DPP8: variants seen among roughly 807,000 people sequenced by gnomAD.
The protein encoded by DPP8 is dipeptidyl peptidase 8, also known as DPP VIII.
DPP8 carries 31 observed loss-of-function variants against 107.5 expected under a neutral mutation model. The observed-to-expected ratio is 0.29, with a 90% CI of 0.22 to 0.39. The LOEUF is 0.39. Ranked by LOEUF, DPP8 falls within the 10% of genes least tolerant of loss-of-function variation. The probability of loss-of-function intolerance (pLI) is 1.00; values close to 1 mark genes in which losing one functional copy is unlikely to be tolerated. For missense variants in DPP8, 842 were observed against 1,076.1 expected (o/e 0.78, Z 3.04); for synonymous variants, 381 against 356.6 (o/e 1.07, Z -0.77).
At position 65,466,765 on chromosome 15, in the gene DPP8, A is replaced by G. The variant is rs1435028919; in HGVS notation, c.1738T>C (p.Cys580Arg). 1 of 1,613,874 alleles carries G rather than the reference A, an allele frequency of 6.2e-7. No homozygotes were observed. The highest frequency in any genetic ancestry group is 8.5e-7 in the Non-Finnish European group (1 of 1,179,846). Reference protein sequence around the residue: ...SKYSNQKNPHCVSLYKLSSPE... With the variant: ...SKYSNQKNPHRVSLYKLSSPE... Reference sequence around the variant, plus strand: ...CTTGATAGCTTGTAAAGGGACACACAGTGTGGATTCTTCTGGTTACTATAC... The same window carrying G: ...CTTGATAGCTTGTAAAGGGACACACGGTGTGGATTCTTCTGGTTACTATAC... The change falls in exon 14 of 20, where the codon TGT becomes CGT. Residue 580 changes from cysteine to arginine, a missense_variant. Around this residue, in one of 2 missense-constraint regions of DPP8, gnomAD observed 663 missense variants for 758.0 expected, o/e 0.87. Coordinates refer to ENST00000300141, the MANE Select transcript of DPP8 (RefSeq NM_130434.5).
rs1412040350 is a variant in DPP8, at chr15:65,495,775, G to A, written c.715+2089C>T. Among the ~76,000 whole-genome samples the A allele has an allele frequency of 1.1e-4, 16 of 151,026 alleles. No individual in the cohort carries two copies. In the East Asian group the frequency reaches 2.6e-3, roughly 24 times the overall value. Reference sequence around the variant, plus strand: ...AATTAGCCGGTAATCCCAGCTACTCGGGAGGCTGAGGCAGGGGAATCACCT... The same window carrying A: ...AATTAGCCGGTAATCCCAGCTACTCAGGAGGCTGAGGCAGGGGAATCACCT... On this transcript the variant is annotated intron_variant, in intron 5 of 19. Coordinates refer to ENST00000300141, the MANE Select transcript of DPP8 (RefSeq NM_130434.5).
chr15:65,479,127 A>G (rs1166347035), intron 10 of DPP8, 88 bp from the exon 11 acceptor site: 1 of 846,620 alleles, frequency 1.2e-6, no homozygotes, highest in Non-Finnish European at 1.7e-6. Context: ...CTTGATAAAT[A>G]TACTTTGAAA....
intron 4 of DPP8, among the ~76,000 whole-genome samples, chr15:65,499,058 C>G (rs1056096703): frequency 1.5e-5 from 2 of 132,216 alleles, no homozygotes; most frequent in Non-Finnish European, 3.1e-5. Context: ...TTTGTCTCCC[C>G]CCCAAAAAAA....
chr15:65,510,562 G>A (rs1204002882), intron 2 of DPP8, among the ~76,000 whole-genome samples: 3 of 151,490 alleles, frequency 2.0e-5, no homozygotes, highest in South Asian at 2.1e-4. Flanking sequence ...TACTTGAGAC[G>A]AAGTCTCGCT....
chr15:65,498,541 G>A (rs2068836516), intron 4 of DPP8, among the ~76,000 whole-genome samples: 1 of 152,040 alleles, frequency 6.6e-6, no homozygotes, highest in African/African-American at 2.4e-5. Context: ...AGGGTAACAG[G>A]AGAGGACATA....
rs1372560644 is a variant in DPP8, at chr15:65,508,680, C to T, written c.260-1325G>A. Among the ~76,000 whole-genome samples the T allele has an allele frequency of 3.9e-5, 6 of 152,142 alleles. No homozygotes were observed. In the South Asian group the frequency reaches 1.2e-3, roughly 32 times the overall value. Reference sequence around the variant, plus strand: ...CCAGCCTGACCAACATGGAGAAACCCTGCCTCTACTAAAAATACAAAATTA... The same window carrying T: ...CCAGCCTGACCAACATGGAGAAACCTTGCCTCTACTAAAAATACAAAATTA... On this transcript the variant is annotated intron_variant, in intron 2 of 19. Coordinates refer to ENST00000300141, the MANE Select transcript of DPP8 (RefSeq NM_130434.5).
rs556863600 is a variant in DPP8 at position 65,475,323 on chromosome 15, T to C, written c.1457-1035A>G. On this transcript the variant is annotated intron_variant, in intron 11 of 19. Coordinates refer to ENST00000300141, the MANE Select transcript of DPP8 (RefSeq NM_130434.5). The stretch of plus-strand genomic sequence containing the variant: ...AGTGGTAGGTGGAAGTTGGGTCAGC[T>C]GCTGCCCCGAGCCAGCTTTATCTTC... 92 of 1,008,846 alleles carry C rather than the reference T, an allele frequency of 9.1e-5. No individual in the cohort carries two copies. The Admixed American group carries it at 1.6e-3, about 18-fold the overall frequency. The allele number at this position is 1,008,846 out of a possible 1,614,324, so 62.5% of individuals were successfully genotyped here. A position where few individuals can be genotyped will look rare whatever the true frequency, so the allele number is the denominator to read the frequency against.
chr15:65,446,753 T>A lies in DPP8; in HGVS notation c.*131A>T, dbSNP rs1409352460. On this transcript the variant is annotated 3_prime_UTR_variant, in exon 20 of 20. Coordinates refer to ENST00000300141, the MANE Select transcript of DPP8 (RefSeq NM_130434.5). Reference sequence around the variant, plus strand: ...CCGTAGACCCCTGCATGGCACCACATTTATTTTCAGGAGTAGATGTTACAT... The same window carrying A: ...CCGTAGACCCCTGCATGGCACCACAATTATTTTCAGGAGTAGATGTTACAT... 5 of 927,562 alleles carry A rather than the reference T, an allele frequency of 5.4e-6. No individual in the cohort carries two copies. The highest frequency in any genetic ancestry group is 7.7e-6 in the Non-Finnish European group (5 of 649,868). 57.5% of individuals were successfully genotyped at this position (927,562 alleles called of 1,614,324 possible).
chr15:65,475,758 T>C, intron 11 of DPP8: 1 of 456,160 alleles, frequency 2.2e-6, no homozygotes, highest in South Asian at 2.0e-5. Flanking sequence ...ATTTGTTTTG[T>C]TTTTGTTTTT....
chr15:65,480,467 T>C lies in DPP8; in HGVS notation c.1119-68A>G, dbSNP rs1265884004. On this transcript the variant is annotated intron_variant, in intron 9 of 19. Coordinates refer to ENST00000300141, the MANE Select transcript of DPP8 (RefSeq NM_130434.5). ...CTATCAGAAAAAGATTTCCCTATTA[T>C]CTCCTTTGGCACCTATCAATTATAT... 4 of 1,203,132 alleles carry C rather than the reference T, an allele frequency of 3.3e-6. No homozygotes were observed. The South Asian group carries it at 4.3e-5, about 13-fold the overall frequency. 74.5% of individuals were successfully genotyped at this position (1,203,132 alleles called of 1,614,324 possible).
At chr15:65,511,105 T>C (rs1246693429) in intron 2 of DPP8, among the ~76,000 whole-genome samples, 1 of 152,180 alleles carries the variant, frequency 6.6e-6, no homozygotes, top group African/African-American at 2.4e-5. Flanking sequence ...CTTCCACTCT[T>C]AGGAATTAGT....
Position 65,487,800 on chromosome 15 carries a change from A to G in DPP8, c.845T>C (p.Ile282Thr). The G allele has an allele frequency of 6.4e-7, 1 of 1,566,668 alleles. No homozygotes were observed. Among genetic ancestry groups the G allele is most frequent in the East Asian group, 2.3e-5 (1 of 44,424 alleles). ...ATTTTCTTCATATAGAATTCTAAGA[A>G]TTTTACCACCACTGGGAGCTTAAAA... ...KAETTPSGGKILRILYEENDE... is the reference protein window; with the variant it reads ...KAETTPSGGKTLRILYEENDE... The change falls in exon 7 of 20, where the codon ATT becomes ACT. Residue 282 changes from isoleucine to threonine, a missense_variant. By Grantham distance (89) the Ile-to-Thr change is moderately conservative. Coordinates refer to ENST00000300141, the MANE Select transcript of DPP8 (RefSeq NM_130434.5).
intron 2 of DPP8, among the ~76,000 whole-genome samples, chr15:65,511,757 C>T (rs1473313494): frequency 1.3e-5 from 2 of 149,012 alleles, no homozygotes; most frequent in Admixed American, 1.3e-4. Flanking sequence ...AACACATATA[C>T]ACACACATTC....
chr15:65,515,598 T>C, intron 1 of DPP8: 1 of 1,456,064 alleles, frequency 6.9e-7, no homozygotes, highest in Non-Finnish European at 9.7e-7. Flanking sequence ...CTCAGCACAG[T>C]GCATATATTT....
At chr15:65,488,603 CAAAAAAAAAAAA>C (rs1166493197) in intron 6 of DPP8, among the ~76,000 whole-genome samples, 2 of 45,276 alleles carry the variant, frequency 4.4e-5, no homozygotes, top group Non-Finnish European at 8.1e-5. Context: ...GACCCTGCCT[CAAAAAAAAAAAA>C]AAAAAAAAAA....
intron 11 of DPP8, among the ~76,000 whole-genome samples, chr15:65,476,810 G>T (rs1012579749): frequency 6.6e-6 from 1 of 152,090 alleles, no homozygotes; most frequent in African/African-American, 2.4e-5. Context: ...ATCAACAGAT[G>T]AACAGATAAA....
intron 6 of DPP8, among the ~76,000 whole-genome samples, chr15:65,488,760 C>A (rs2067699885): frequency 6.6e-6 from 1 of 152,106 alleles, no homozygotes. Context: ...AAGTACACTT[C>A]TAACTGGATC....
At chr15:65,451,732 C>A (rs2063989056) in intron 18 of DPP8, among the ~76,000 whole-genome samples, 1 of 151,780 alleles carries the variant, frequency 6.6e-6, no homozygotes, top group Non-Finnish European at 1.5e-5. Flanking sequence ...TGAGACCACC[C>A]TAGGCAACAT....
intron 8 of DPP8, 47 bp from the exon 9 acceptor site, chr15:65,481,662 A>G: frequency 9.0e-7 from 1 of 1,105,436 alleles, no homozygotes; most frequent in Non-Finnish European, 1.3e-6. Flanking sequence ...AGATTTAGAT[A>G]AATAATTAGC....
Sources: gnomAD v4.1 joint callset for allele counts (sites outside exome capture counted in the v4.1 genomes callset) on GRCh38, gnomAD v4.1.1 for gene constraint, gnomAD v4.1.1 regional missense constraint, MANE v1.5 for transcripts, NCBI Gene and HGNC (gene_info 2026-07-23, HGNC 2026-07-21) for gene names.